Variants in BICC1 observed in about 807,000 individuals in gnomAD.
BICC1 encodes the protein BicC family RNA binding protein 1.
In BICC1, 43 loss-of-function variants were observed where a neutral mutation model predicts 111.0. The observed-to-expected ratio is 0.39, with a 90% CI of 0.30 to 0.50. The LOEUF (loss-of-function observed/expected upper bound fraction) is 0.50, where lower values mean the gene tolerates loss of function less well. Among genes scored for constraint, BICC1 ranks in the 20% least tolerant of loss-of-function variants. The pLI is 0.88. For synonymous variants in BICC1, 467 were observed against 434.4 expected (o/e 1.07, Z -0.93); for missense variants, 1,091 against 1,203.2 (o/e 0.91, Z 1.38).
At chr10:58,746,519 G>GA (rs1841841645) in intron 3 of BICC1, among the ~76,000 whole-genome samples, 1 of 152,066 alleles carries the variant, frequency 6.6e-6, no homozygotes, top group Non-Finnish European at 1.5e-5. Context: ...TAAGAAGGGG[G>GA]AAAATGATTG....
At chr10:58,755,770 C>T (rs1003793947) in intron 3 of BICC1, among the ~76,000 whole-genome samples, 4 of 151,656 alleles carry the variant, frequency 2.6e-5, no homozygotes, top group Admixed American at 6.6e-5. Flanking sequence ...TTTCCAGCAG[C>T]GGTTGAGTCT....
intron 2 of BICC1, among the ~76,000 whole-genome samples, chr10:58,661,118 T>C (rs1443810403): frequency 2.6e-5 from 4 of 152,108 alleles, no homozygotes; most frequent in African/African-American, 9.7e-5. Context: ...ATCTAGTGCA[T>C]TGGTAGCAAC....
intron 1 of BICC1, among the ~76,000 whole-genome samples, chr10:58,594,934 TAA>T (rs774928419): frequency 6.6e-6 from 1 of 152,110 alleles, no homozygotes; most frequent in Non-Finnish European, 1.5e-5. Flanking sequence ...GCAAATTGGA[TAA>T]AGAGTCAGAC....
chr10:58,715,793 G>C, intron 3 of BICC1: 1 of 1,397,910 alleles, frequency 7.2e-7, no homozygotes, highest in Non-Finnish European at 1.0e-6. Flanking sequence ...GGGAGAAATT[G>C]TTAACTGCAA....
chr10:58,735,288 G>A (rs1009113481), intron 3 of BICC1, among the ~76,000 whole-genome samples: 3 of 152,026 alleles, frequency 2.0e-5, no homozygotes, highest in African/African-American at 4.8e-5. Flanking sequence ...TTTTCTTCTC[G>A]CAGCCTGTGC....
At chr10:58,565,392 A>T (rs1051312387) in intron 1 of BICC1, among the ~76,000 whole-genome samples, 2 of 152,176 alleles carry the variant, frequency 1.3e-5, no homozygotes, top group Non-Finnish European at 2.9e-5. Flanking sequence ...GCCTCTTTTC[A>T]TCCTGTCCTC....
In BICC1 at chr10:58,742,187, C is replaced by A. The variant is rs1841689114; in HGVS notation, c.307+40044C>A. ...GTTTTTTTCCTAAGTGCAAGTATTA[C>A]TTCACACCCAAGTGTCATGTTTCAT... is the stretch of plus-strand genomic sequence containing the variant. On this transcript the variant is annotated intron_variant, in intron 3 of 20. Transcript: ENST00000373886. Among the ~76,000 whole-genome samples, 3 of 152,206 alleles carry A rather than the reference C, an allele frequency of 2.0e-5. No homozygotes were observed. The South Asian group carries it at 6.2e-4, about 32-fold the overall frequency.
chr10:58,599,233 A>G (rs1278655637), intron 1 of BICC1, among the ~76,000 whole-genome samples: 8 of 152,188 alleles, frequency 5.3e-5, no homozygotes, highest in African/African-American at 1.9e-4. Flanking sequence ...CACAATAGCA[A>G]AAACTTGGAA....
chr10:58,536,380 C>A (rs1423886060), intron 1 of BICC1, among the ~76,000 whole-genome samples: 3 of 151,740 alleles, frequency 2.0e-5, no homozygotes, highest in Non-Finnish European at 4.4e-5. Flanking sequence ...CAACCATATT[C>A]TCAGACCACA....
intron 2 of BICC1, among the ~76,000 whole-genome samples, chr10:58,676,245 T>C (rs1318080723): frequency 6.6e-6 from 1 of 152,104 alleles, no homozygotes; most frequent in Non-Finnish European, 1.5e-5. Context: ...TTTCATACCC[T>C]AGTGGCACCT....
At chr10:58,705,062 T>C (rs902111653) in intron 3 of BICC1, among the ~76,000 whole-genome samples, 2 of 152,224 alleles carry the variant, frequency 1.3e-5, no homozygotes, top group South Asian at 2.1e-4. Context: ...GGAAGGAAGC[T>C]GCCTGGCAAG....
At chr10:58,672,181 C>T (rs1421099585) in intron 2 of BICC1, among the ~76,000 whole-genome samples, 1 of 152,100 alleles carries the variant, frequency 6.6e-6, no homozygotes, top group East Asian at 1.9e-4. Flanking sequence ...CATCACCATC[C>T]ATCTCCAGAA....
rs764814603 is a variant in BICC1 at position 58,800,197 on chromosome 10, C to T, written c.1729C>T (p.Pro577Ser). Residue 577 changes from proline (P) to serine (S), a missense_variant, in exon 13 of 21, where the codon CCA (proline) becomes TCA (serine). By Grantham distance (74) the Pro-to-Ser change is moderately conservative. Around this residue, in one of 3 missense-constraint regions of BICC1, gnomAD observed 843 missense variants for 900.8 expected, o/e 0.94. Coordinates refer to ENST00000373886, the MANE Select transcript of BICC1 (RefSeq NM_001080512.3). Reference protein sequence around the residue: ...SAALNGHAQSPDIKYGAISTS... With the variant: ...SAALNGHAQSSDIKYGAISTS... Reference sequence around the variant, plus strand: ...TTATTTTCTATTATTATTTTAGTCTCCAGATATAAAATATGGTGCAATATC... The same window carrying T: ...TTATTTTCTATTATTATTTTAGTCTTCAGATATAAAATATGGTGCAATATC... 2.5e-6 allele frequency: 4 copies of T among 1,592,038 alleles called. No individual in the cohort carries two copies. In the African/African-American group the frequency reaches 4.0e-5, roughly 16 times the overall value.
At chr10:58,632,788 AC>A (rs1398798958) in intron 2 of BICC1, among the ~76,000 whole-genome samples, 1 of 152,126 alleles carries the variant, frequency 6.6e-6, no homozygotes, top group East Asian at 1.9e-4. Flanking sequence ...AGAATAAAGG[AC>A]AGAGGAGACT....
intron 1 of BICC1, among the ~76,000 whole-genome samples, chr10:58,519,996 T>C (rs1314253829): frequency 2.0e-5 from 3 of 152,210 alleles, no homozygotes; most frequent in Non-Finnish European, 4.4e-5. Context: ...AGTTCATGCC[T>C]CGCCCTTTTG....
intron 18 of BICC1, among the ~76,000 whole-genome samples, chr10:58,815,998 A>T (rs1247484762): frequency 6.6e-6 from 1 of 152,144 alleles, no homozygotes. Flanking sequence ...ATTGAACAGC[A>T]CAGTTTTAGA....
chr10:58,616,861 T>C (rs959659451), intron 1 of BICC1, among the ~76,000 whole-genome samples: 10 of 152,224 alleles, frequency 6.6e-5, no homozygotes, highest in African/African-American at 2.4e-4. Flanking sequence ...ATGGTCTTGT[T>C]AATGATATTA....
intron 2 of BICC1, among the ~76,000 whole-genome samples, chr10:58,625,266 C>G (rs966474739): frequency 6.6e-6 from 1 of 152,104 alleles, no homozygotes; most frequent in Non-Finnish European, 1.5e-5. Context: ...TTAATCAGTT[C>G]TTTTTTTCTT....
intron 1 of BICC1, among the ~76,000 whole-genome samples, chr10:58,605,333 T>C (rs909812653): frequency 1.3e-5 from 2 of 152,266 alleles, no homozygotes; most frequent in Non-Finnish European, 2.9e-5. Flanking sequence ...TTGAGCTGTT[T>C]CTTGCTGATT....
Sources: gnomAD v4.1 joint callset for allele counts (sites outside exome capture counted in the v4.1 genomes callset) on GRCh38, gnomAD v4.1.1 for gene constraint, gnomAD v4.1.1 regional missense constraint, MANE v1.5 for transcripts, NCBI Gene and HGNC (gene_info 2026-07-23, HGNC 2026-07-21) for gene names.